ZEB1: variants seen among roughly 807,000 people sequenced by gnomAD.
The protein encoded by ZEB1 is zinc finger E-box binding homeobox 1.
ZEB1 carries 21 observed loss-of-function variants against 84.9 expected under a neutral mutation model. That is an observed-to-expected ratio of 0.25 (90% CI 0.18 to 0.36). The LOEUF (loss-of-function observed/expected upper bound fraction) is 0.36, where lower values mean the gene tolerates loss of function less well. Among genes scored for constraint, ZEB1 ranks in the 10% least tolerant of loss-of-function variants. The probability of loss-of-function intolerance (pLI) is 1.00; values close to 1 mark genes in which losing one functional copy is unlikely to be tolerated. For missense variants in ZEB1, 1,104 were observed against 1,330.2 expected (o/e 0.83, Z 2.65); for synonymous variants, 420 against 471.1 (o/e 0.89, Z 1.41).
chr10:31,400,102 G>A (rs1484609112), intron 1 of ZEB1, among the ~76,000 whole-genome samples: 1 of 151,962 alleles, frequency 6.6e-6, no homozygotes, highest in Non-Finnish European at 1.5e-5. Context: ...TTCTTTTCTT[G>A]AAGACCTGTT....
In ZEB1 at chr10:31,466,716, A is replaced by G. The variant is rs551719522; in HGVS notation, c.259+5479A>G. 2.6e-5 allele frequency among the ~76,000 whole-genome samples: 4 copies of G among 152,330 alleles called. No homozygotes were observed. The South Asian group carries it at 6.2e-4, about 24-fold the overall frequency. ...CTCATGGAACTAGAAAAATAAGAAC[A>G]AAGTAAAACCAAAGTTAGAAGAAGG... On this transcript the variant is annotated intron_variant, in intron 2 of 8. Coordinates refer to ENST00000424869, the MANE Select transcript of ZEB1 (RefSeq NM_001174096.2).
intron 6 of ZEB1, among the ~76,000 whole-genome samples, chr10:31,516,829 G>C (rs575384506): frequency 6.6e-6 from 1 of 152,120 alleles, no homozygotes; most frequent in South Asian, 2.1e-4. Flanking sequence ...CGTAGATACA[G>C]TTTAAGTACA....
chr10:31,374,641 A>G lies in ZEB1; in HGVS notation c.58+55349A>G, dbSNP rs180745063. ...TAGGAACAATAAAGTTAGTGTATAA[A>G]TAAAGCACAGAACCTACACATTTAT... On this transcript the variant is annotated intron_variant, in intron 1 of 8. Coordinates refer to ENST00000424869, the MANE Select transcript of ZEB1 (RefSeq NM_001174096.2). Among the ~76,000 whole-genome samples, 620 of 151,998 alleles carry G rather than the reference A, an allele frequency of 4.1e-3. 4 individuals are homozygous for G. The highest frequency in any genetic ancestry group is 0.019 in the South Asian group (91 of 4,828).
rs190493024 is a variant in ZEB1 at position 31,440,605 on chromosome 10, G to A, written c.59-20432G>A. On this transcript the variant is annotated intron_variant, in intron 1 of 8. Coordinates refer to ENST00000424869, the MANE Select transcript of ZEB1 (RefSeq NM_001174096.2). Reference sequence around the variant, plus strand: ...TAAAGTGTATTCAGTTAGGAAAAGAGGGAGTCAAATTGTCCCTGTTTGCAG... The same window carrying A: ...TAAAGTGTATTCAGTTAGGAAAAGAAGGAGTCAAATTGTCCCTGTTTGCAG... 7.8e-3 allele frequency among the ~76,000 whole-genome samples: 1,193 copies of A among 152,260 alleles called. 9 individuals are homozygous for A. The highest frequency in any genetic ancestry group is 0.027 in the African/African-American group (1,108 of 41,532).
At chr10:31,471,339 CAT>C (rs1261697705) in intron 2 of ZEB1, among the ~76,000 whole-genome samples, 1 of 141,936 alleles carries the variant, frequency 7.0e-6, no homozygotes, top group Non-Finnish European at 1.5e-5. Context: ...CAGAGACACA[CAT>C]AGGCTCAAAA....
Position 31,468,352 on chromosome 10 carries a change from C to G in ZEB1, c.259+7115C>G, listed in dbSNP as rs115111218. On this transcript the variant is annotated intron_variant, in intron 2 of 8. Transcript: ENST00000424869. ...TGTCATCACTGCAGCTGCCTCTCACCTGCCAGCATCACCTACTGGCCAGGA... is the reference window on the plus strand; with the variant it reads ...TGTCATCACTGCAGCTGCCTCTCACGTGCCAGCATCACCTACTGGCCAGGA... Among the ~76,000 whole-genome samples the G allele has an allele frequency of 3.3e-3, 503 of 152,272 alleles. 4 individuals are homozygous for G. The highest frequency in any genetic ancestry group is 0.011 in the African/African-American group (471 of 41,554).
chr10:31,523,279 T>C (rs980069502), intron 7 of ZEB1, among the ~76,000 whole-genome samples: 1 of 152,208 alleles, frequency 6.6e-6, no homozygotes, highest in South Asian at 2.1e-4. Flanking sequence ...TCCATGAGAC[T>C]GCCTGGAGTT....
At chr10:31,445,810 C>T (rs573514949) in intron 1 of ZEB1, among the ~76,000 whole-genome samples, 1,537 of 106,710 alleles carry the variant, frequency 0.014, 22 homozygotes, top group Non-Finnish European at 0.017. Context: ...CTGCTGGATT[C>T]GGTTTGCCAG....
chr10:31,328,984 A>G (rs917770859), intron 1 of ZEB1, among the ~76,000 whole-genome samples: 6 of 151,554 alleles, frequency 4.0e-5, no homozygotes, highest in Non-Finnish European at 8.8e-5. Context: ...AAAAGTTAAA[A>G]CCATACCCTG....
chr10:31,333,284 A>G (rs1590027022), intron 1 of ZEB1, among the ~76,000 whole-genome samples: 1 of 152,174 alleles, frequency 6.6e-6, no homozygotes, highest in East Asian at 1.9e-4. Context: ...TCTTTAATGT[A>G]AAGTCAGCAG....
intron 1 of ZEB1, among the ~76,000 whole-genome samples, chr10:31,422,297 A>G (rs547980502): frequency 1.3e-5 from 2 of 152,274 alleles, no homozygotes; most frequent in South Asian, 2.1e-4. Context: ...TTCTGAAGCT[A>G]TGAAGTAGAA....
chr10:31,358,998 C>A (rs11008471), intron 1 of ZEB1, among the ~76,000 whole-genome samples: 2,248 of 152,202 alleles, frequency 0.015, 49 homozygotes, highest in South Asian at 0.074. Flanking sequence ...TGTGTTAATT[C>A]TTTGTGTAGA....
At chr10:31,506,876 G>T (rs954996226) in intron 4 of ZEB1, among the ~76,000 whole-genome samples, 1 of 151,980 alleles carries the variant, frequency 6.6e-6, no homozygotes, top group Non-Finnish European at 1.5e-5. Flanking sequence ...TTCTATAGTG[G>T]TAACATTTGA....
At chr10:31,456,053 T>C (rs893808179) in intron 1 of ZEB1, among the ~76,000 whole-genome samples, 1 of 152,220 alleles carries the variant, frequency 6.6e-6, no homozygotes, top group African/African-American at 2.4e-5. Context: ...GTGGCACATA[T>C]GCACCATGAA....
At position 31,500,168 on chromosome 10, in the gene ZEB1, G is replaced by T. The variant is rs147212001; in HGVS notation, c.323-2180G>T. Reference sequence around the variant, plus strand: ...ATCTTAGCAACTCTACATGGAATCTGTAAGAAATCACATAAAATATTAATT... The same window carrying T: ...ATCTTAGCAACTCTACATGGAATCTTTAAGAAATCACATAAAATATTAATT... On this transcript the variant is annotated intron_variant, in intron 3 of 8. Transcript: ENST00000424869. Among the ~76,000 whole-genome samples, 495 of 152,114 alleles carry T rather than the reference G, an allele frequency of 3.3e-3. 3 individuals carry two copies. Among genetic ancestry groups the T allele is most frequent in the East Asian group, 0.016 (84 of 5,184 alleles).
chr10:31,451,497 A>G (rs895798570), intron 1 of ZEB1, among the ~76,000 whole-genome samples: 10 of 152,152 alleles, frequency 6.6e-5, no homozygotes, highest in Non-Finnish European at 8.8e-5. Flanking sequence ...CATACTACCT[A>G]TCTTCCATAA....
At chr10:31,474,126 A>T (rs1004063629) in intron 2 of ZEB1, among the ~76,000 whole-genome samples, 1 of 152,202 alleles carries the variant, frequency 6.6e-6, no homozygotes, top group African/African-American at 2.4e-5. Context: ...AACCTAGGCA[A>T]TAACATTCAG....
rs750611257 is a variant in ZEB1, at chr10:31,461,179, G to A, written c.201G>A (p.Val67=). The part of the protein sequence containing the change: ...PEDDLPTDQT[V]LPGRSSEREG... ...ATGACCTGCCAACAGACCAGACAGT[G>A]TTACCAGGGAGGAGCAGTGAAAGAG... Residue 67 remains valine, a synonymous_variant, in exon 2 of 9, where the codon GTG becomes GTA. Transcript: ENST00000424869. 1.1e-5 allele frequency: 17 copies of A among 1,613,386 alleles called. No individual in the cohort carries two copies. Among genetic ancestry groups the A allele is most frequent in the East Asian group, 2.2e-5 (1 of 44,848 alleles).
chr10:31,339,474 A>G (rs1371801572), intron 1 of ZEB1, among the ~76,000 whole-genome samples: 5 of 152,154 alleles, frequency 3.3e-5, no homozygotes, highest in Non-Finnish European at 5.9e-5. Flanking sequence ...TTATTTTGTT[A>G]AGAACCTATA....
Sources: allele counts gnomAD v4.1 joint callset (sites outside exome capture counted in the v4.1 genomes callset), GRCh38; gene constraint gnomAD v4.1.1; transcripts MANE v1.5; gene names NCBI Gene and HGNC (gene_info 2026-07-23, HGNC 2026-07-21).